The following TYW1B variants were observed in gnomAD, a reference collection of about 807,000 sequenced individuals.
TYW1B encodes tRNA-yW synthesizing protein 1 homolog B.
In TYW1B, 73 loss-of-function variants were observed where a neutral mutation model predicts 86.9. The ratio of observed to expected loss-of-function variants is 0.84; its 90% CI spans 0.70 to 1.02. The LOEUF is 1.02. Among genes scored for constraint, TYW1B ranks in the 50% least tolerant of loss-of-function variants. The probability of loss-of-function intolerance (pLI) is 0.00; values close to 1 mark genes in which losing one functional copy is unlikely to be tolerated. For synonymous variants in TYW1B, 248 were observed against 292.8 expected (o/e 0.85, Z 1.56); for missense variants, 637 against 827.4 (o/e 0.77, Z 2.82).
At chr7:72,826,319 C>T (rs1453012263) in intron 2 of TYW1B, among the ~76,000 whole-genome samples, 1 of 152,172 alleles carries the variant, frequency 6.6e-6, no homozygotes, top group African/African-American at 2.4e-5. Flanking sequence ...CAGATACTGA[C>T]ACACTTTATT....
chr7:72,633,175 T>G (rs1585864023), intron 11 of TYW1B, among the ~76,000 whole-genome samples: 1 of 152,242 alleles, frequency 6.6e-6, no homozygotes, highest in East Asian at 1.9e-4. Flanking sequence ...ACACACCCCT[T>G]TATTTGCATT....
intron 11 of TYW1B, among the ~76,000 whole-genome samples, chr7:72,663,598 T>A (rs1431198720): frequency 2.0e-5 from 3 of 150,958 alleles, no homozygotes; most frequent in Admixed American, 6.6e-5. Flanking sequence ...CTTTACTAAA[T>A]ATATATATAT....
intron 12 of TYW1B, among the ~76,000 whole-genome samples, chr7:72,625,214 A>G (rs1408637127): frequency 1.9e-4 from 29 of 152,300 alleles, no homozygotes; most frequent in African/African-American, 7.0e-4. Context: ...AAAATTTTTC[A>G]TCTCCAGAGC....
intron 13 of TYW1B, among the ~76,000 whole-genome samples, chr7:72,581,447 TTTA>T (rs1205807724): frequency 6.6e-6 from 1 of 152,148 alleles, no homozygotes; most frequent in Non-Finnish European, 1.5e-5. Flanking sequence ...CTCTTTATTT[TTTA>T]TTATCATTTT....
At chr7:72,795,506 G>A (rs1412882608) in intron 6 of TYW1B, among the ~76,000 whole-genome samples, 6 of 150,634 alleles carry the variant, frequency 4.0e-5, no homozygotes, top group African/African-American at 1.5e-4. Flanking sequence ...AACATTTTTT[G>A]ACGCGAAACT....
chr7:72,602,730 A>G (rs1811694132), intron 13 of TYW1B, among the ~76,000 whole-genome samples: 1 of 152,092 alleles, frequency 6.6e-6, no homozygotes. Context: ...CTTTCACACT[A>G]TCATAAAGTC....
chr7:72,766,346 T>A (rs2129571787), intron 7 of TYW1B, among the ~76,000 whole-genome samples: 1 of 152,386 alleles, frequency 6.6e-6, no homozygotes, highest in Non-Finnish European at 1.5e-5. Context: ...CCAGGCGCGG[T>A]GGCTCACGCC....
At chr7:72,768,866 A>G in intron 7 of TYW1B, 1 of 318,394 alleles carries the variant, frequency 3.1e-6, no homozygotes, top group Non-Finnish European at 6.2e-6. Context: ...ACAAACTCTA[A>G]GAATGGTTTA....
chr7:72,760,667 ATGTAAATC>A (rs1563084932), intron 7 of TYW1B, among the ~76,000 whole-genome samples: 1 of 152,206 alleles, frequency 6.6e-6, no homozygotes, highest in East Asian at 1.9e-4. Context: ...CACATGACTT[ATGTAAATC>A]TTTAATCAAT....
intron 12 of TYW1B, among the ~76,000 whole-genome samples, chr7:72,625,848 T>C (rs1454228937): frequency 9.9e-5 from 12 of 121,558 alleles, no homozygotes; most frequent in African/African-American, 3.5e-4. Flanking sequence ...CTGTTCTTTA[T>C]AGAAAAACAT....
chr7:72,638,394 C>T (rs1264877536), intron 11 of TYW1B, among the ~76,000 whole-genome samples: 4 of 152,206 alleles, frequency 2.6e-5, no homozygotes, highest in Non-Finnish European at 5.9e-5. Flanking sequence ...TAATCCATCA[C>T]ATCAACAAGA....
chr7:72,663,386 G>A lies in TYW1B; in HGVS notation c.1506+31301C>T, dbSNP rs563381393. On this transcript the variant is annotated intron_variant, in intron 11 of 13. Coordinates refer to ENST00000620995, the MANE Select transcript of TYW1B (RefSeq NM_001145440.3). ...TTTAAAATGTCAGTTCAAACCACCC[G>A]GGTGCTCTTGGAGTGCCCCCTCCCC... 1.6e-4 allele frequency among the ~76,000 whole-genome samples: 25 copies of A among 151,970 alleles called. 1 individual carries two copies. The highest frequency in any genetic ancestry group is 5.3e-4 in the African/African-American group (22 of 41,426).
intron 11 of TYW1B, among the ~76,000 whole-genome samples, chr7:72,633,961 C>T (rs1305012297): frequency 6.6e-6 from 1 of 151,970 alleles, no homozygotes; most frequent in Admixed American, 6.6e-5. Flanking sequence ...TCAGTGAATT[C>T]GATGTTTGCA....
chr7:72,712,447 GC>G (rs1426172259), intron 10 of TYW1B, among the ~76,000 whole-genome samples: 1 of 152,082 alleles, frequency 6.6e-6, no homozygotes, highest in Non-Finnish European at 1.5e-5. Context: ...TCCTGCCTCA[GC>G]CTCCCGAGTA....
chr7:72,670,594 T>C (rs532328198), intron 11 of TYW1B, among the ~76,000 whole-genome samples: 3 of 152,332 alleles, frequency 2.0e-5, no homozygotes, highest in East Asian at 1.9e-4. Context: ...CAAGGTTGCA[T>C]AGCTATTATA....
chr7:72,647,842 A>G (rs1396548993), intron 11 of TYW1B, among the ~76,000 whole-genome samples: 2 of 151,922 alleles, frequency 1.3e-5, no homozygotes, highest in Non-Finnish European at 2.9e-5. Context: ...ATGCCATCAC[A>G]TCCAGCCAAT....
At chr7:72,643,498 A>G (rs1413992947) in intron 11 of TYW1B, among the ~76,000 whole-genome samples, 1 of 152,022 alleles carries the variant, frequency 6.6e-6, no homozygotes, top group African/African-American at 2.4e-5. Context: ...GAGGCAGGAG[A>G]ACCGCTTGAA....
chr7:72,606,046 C>A (rs1811786511), intron 13 of TYW1B, among the ~76,000 whole-genome samples: 2 of 152,078 alleles, frequency 1.3e-5, no homozygotes, highest in Admixed American at 6.6e-5. Flanking sequence ...CAAAAAGATT[C>A]TCAAAGGTAG....
At chr7:72,703,726 G>A (rs1295911992) in intron 10 of TYW1B, among the ~76,000 whole-genome samples, 37 of 151,956 alleles carry the variant, frequency 2.4e-4, no homozygotes, top group African/African-American at 8.0e-4. Flanking sequence ...GTGGTGGCGC[G>A]CGCCGGTAGT....
Sources: allele counts gnomAD v4.1 joint callset (sites outside exome capture counted in the v4.1 genomes callset), GRCh38; gene constraint gnomAD v4.1.1; transcripts MANE v1.5; gene names NCBI Gene and HGNC (gene_info 2026-07-23, HGNC 2026-07-21).